PRKG1: variants seen among roughly 807,000 people sequenced by gnomAD.
The protein encoded by PRKG1 is protein kinase cGMP-dependent 1.
In PRKG1, 35 loss-of-function variants were observed where a neutral mutation model predicts 88.1. That is an observed-to-expected ratio of 0.40 (90% CI 0.30 to 0.53). The LOEUF (loss-of-function observed/expected upper bound fraction) is 0.53, where lower values mean the gene tolerates loss of function less well. Ranked by LOEUF, PRKG1 falls within the 20% of genes least tolerant of loss-of-function variation. PRKG1 has a pLI of 0.59. For missense variants in PRKG1, 540 were observed against 839.8 expected (o/e 0.64, Z 4.41); for synonymous variants, 303 against 292.5 (o/e 1.04, Z -0.37).
At chr10:52,202,985 T>A (rs1223182598) in intron 9 of PRKG1, among the ~76,000 whole-genome samples, 1 of 152,158 alleles carries the variant, frequency 6.6e-6, no homozygotes, top group Non-Finnish European at 1.5e-5. Context: ...TTTATTGATC[T>A]TTATATGGTT....
chr10:51,088,025 A>G (rs1348063720), intron 1 of PRKG1, among the ~76,000 whole-genome samples: 1 of 152,196 alleles, frequency 6.6e-6, no homozygotes. Context: ...TTGGCCTCCA[A>G]AAGTGCTAGG....
chr10:51,548,679 G>A (rs150192388), intron 3 of PRKG1, among the ~76,000 whole-genome samples: 1 of 152,000 alleles, frequency 6.6e-6, no homozygotes, highest in African/African-American at 2.4e-5. Flanking sequence ...GCATTTTTGT[G>A]TTCTCTTTTA....
intron 4 of PRKG1, among the ~76,000 whole-genome samples, chr10:51,859,094 A>G (rs1415671166): frequency 6.6e-6 from 1 of 152,218 alleles, no homozygotes. Context: ...TTCTGATGTT[A>G]GATGTTGAAT....
chr10:51,324,720 G>A (rs1443528278), intron 2 of PRKG1, among the ~76,000 whole-genome samples: 8 of 152,134 alleles, frequency 5.3e-5, no homozygotes, highest in Admixed American at 1.3e-4. Context: ...CAGCCTGGGC[G>A]ACTGAGCGAG....
chr10:51,975,278 G>A (rs528225745), intron 5 of PRKG1, among the ~76,000 whole-genome samples: 50 of 152,166 alleles, frequency 3.3e-4, no homozygotes, highest in African/African-American at 1.2e-3. Context: ...AGTCTCTCGT[G>A]TAGACCAATC....
intron 1 of PRKG1, among the ~76,000 whole-genome samples, chr10:51,093,717 CAT>C (rs200017117): frequency 0.043 from 5,973 of 140,402 alleles, 158 homozygotes; most frequent in African/African-American, 0.072. Flanking sequence ...TATATAAATA[CAT>C]GTGTGTGTGT....
At position 51,074,713 on chromosome 10, in the gene PRKG1, G is replaced by A. The variant is rs146681875; in HGVS notation, c.123G>A (p.Lys41=). 5.8e-5 allele frequency: 94 copies of A among 1,613,916 alleles called. No homozygotes were observed. The highest frequency in any genetic ancestry group is 7.6e-5 in the Non-Finnish European group (90 of 1,179,968). Residue 41 remains lysine, a synonymous_variant, in exon 1 of 18, where the codon AAG becomes AAA. Coordinates refer to ENST00000373980, the MANE Select transcript of PRKG1 (RefSeq NM_006258.4). The stretch of plus-strand genomic sequence containing the variant: ...ATCAGAAGGACGAACTGATCCAGAA[G>A]CTGCAGAACGAGCTGGACAAGTACC... ...ELDQKDELIQ[K]LQNELDKYRS... is the part of the protein sequence containing the mutation.
chr10:51,893,419 C>T (rs7074579), intron 4 of PRKG1, among the ~76,000 whole-genome samples: 73,406 of 151,612 alleles, frequency 0.48, 18,004 homozygotes, highest in Middle Eastern at 0.53. Context: ...GCTGATGAAG[C>T]TGCTGTCAGG....
chr10:51,714,462 G>A (rs1490329904), intron 3 of PRKG1, among the ~76,000 whole-genome samples: 4 of 152,152 alleles, frequency 2.6e-5, no homozygotes, highest in African/African-American at 9.7e-5. Context: ...AACGAAAATA[G>A]TAGAATGAAA....
At chr10:52,100,945 G>A (rs549811722) in intron 7 of PRKG1, among the ~76,000 whole-genome samples, 12 of 152,138 alleles carry the variant, frequency 7.9e-5, no homozygotes, top group African/African-American at 2.4e-4. Context: ...CTGCTTTGTT[G>A]CCCAGAATGT....
chr10:52,151,750 G>A lies in PRKG1; in HGVS notation c.1002-10139G>A, dbSNP rs570984511. Among the ~76,000 whole-genome samples, 7 of 152,222 alleles carry A rather than the reference G, an allele frequency of 4.6e-5. No homozygotes were observed. The East Asian group carries it at 1.4e-3, about 29-fold the overall frequency. The stretch of plus-strand genomic sequence containing the variant: ...AAACATATAGACTGGGCACATTAGG[G>A]CAATCTATTCTTATATTTTCCTCCT... On this transcript the variant is annotated intron_variant, in intron 8 of 17. Coordinates refer to ENST00000373980, the MANE Select transcript of PRKG1 (RefSeq NM_006258.4).
intron 3 of PRKG1, among the ~76,000 whole-genome samples, chr10:51,790,271 A>G (rs77391877): frequency 0.024 from 3,644 of 152,152 alleles, 118 homozygotes; most frequent in East Asian, 0.13. Context: ...ACTCTCTTAG[A>G]ATTCATTGTC....
At chr10:51,674,844 T>C (rs191709249) in intron 3 of PRKG1, among the ~76,000 whole-genome samples, 127 of 152,292 alleles carry the variant, frequency 8.3e-4, no homozygotes, top group African/African-American at 3.1e-3. Context: ...GCAAGTTTAT[T>C]CTCCAGGTTG....
intron 2 of PRKG1, among the ~76,000 whole-genome samples, chr10:51,425,244 A>C (rs1838542438): frequency 6.6e-6 from 1 of 152,212 alleles, no homozygotes; most frequent in South Asian, 2.1e-4. Context: ...ATGTGCTGAA[A>C]CACAAATTAT....
intron 3 of PRKG1, among the ~76,000 whole-genome samples, chr10:51,512,338 TC>T (rs1243141344): frequency 1.1e-5 from 1 of 94,462 alleles, no homozygotes; most frequent in Non-Finnish European, 2.0e-5. Flanking sequence ...ATGCTATCCC[TC>T]CCCCCTCCCC....
chr10:51,509,971 A>G (rs773902755), intron 3 of PRKG1, among the ~76,000 whole-genome samples: 1 of 152,150 alleles, frequency 6.6e-6, no homozygotes, highest in Non-Finnish European at 1.5e-5. Flanking sequence ...GGAATTTCTC[A>G]TCTCACTGAG....
In PRKG1 at chr10:51,830,077, A is replaced by C. The variant is rs1589329166; in HGVS notation, c.698+25387A>C. Reference sequence around the variant, plus strand: ...GGTGACCACTTCGGGAAAGGGTGAAAAGATTTCCTGGGAGAGTAGGGTGTC... The same window carrying C: ...GGTGACCACTTCGGGAAAGGGTGAACAGATTTCCTGGGAGAGTAGGGTGTC... On this transcript the variant is annotated intron_variant, in intron 4 of 17. Transcript: ENST00000373980. 1.4e-4 allele frequency among the ~76,000 whole-genome samples: 21 copies of C among 152,206 alleles called. No homozygotes were observed. The South Asian group carries it at 4.0e-3, about 29-fold the overall frequency.
At chr10:51,677,598 G>A (rs559080930) in intron 3 of PRKG1, among the ~76,000 whole-genome samples, 3 of 152,266 alleles carry the variant, frequency 2.0e-5, no homozygotes, top group South Asian at 2.1e-4. Flanking sequence ...AAATACACTC[G>A]CCAGTGTCTA....
intron 4 of PRKG1, among the ~76,000 whole-genome samples, chr10:51,851,993 C>A (rs1203282872): frequency 1.3e-5 from 2 of 151,948 alleles, no homozygotes; most frequent in African/African-American, 4.8e-5. Context: ...ATGTTTCAGG[C>A]ACCTGCCATC....
Sources: allele counts gnomAD v4.1 joint callset (sites outside exome capture counted in the v4.1 genomes callset), GRCh38; gene constraint gnomAD v4.1.1; transcripts MANE v1.5; gene names NCBI Gene and HGNC (gene_info 2026-07-23, HGNC 2026-07-21).